The following RELN variants were observed in gnomAD, a reference collection of about 807,000 sequenced individuals.
The protein encoded by RELN is reelin.
A neutral mutation model predicts 427.6 loss-of-function variants in RELN; 108 were observed. The ratio of observed to expected loss-of-function variants is 0.25; its 90% CI spans 0.22 to 0.30. The LOEUF (loss-of-function observed/expected upper bound fraction) is 0.30, where lower values mean the gene tolerates loss of function less well. Ranked by LOEUF, RELN falls within the 10% of genes least tolerant of loss-of-function variation. The pLI is 1.00. For missense variants in RELN, 3,715 were observed against 4,302.8 expected, an observed-to-expected ratio of 0.86 and a Z score of 3.82; for synonymous variants, 1,524 against 1,513.4, an observed-to-expected ratio of 1.01 and a Z score of -0.16.
intron 3 of RELN, among the ~76,000 whole-genome samples, chr7:103,803,606 C>T (rs1368696166): frequency 6.6e-6 from 1 of 151,970 alleles, no homozygotes; most frequent in African/African-American, 2.4e-5. Context: ...GGGATAAATA[C>T]CCAGTAAACC....
At chr7:103,642,363 T>TC (rs199862767) in intron 16 of RELN, among the ~76,000 whole-genome samples, 2,742 of 150,192 alleles carry the variant, frequency 0.018, 86 homozygotes, top group African/African-American at 0.063. Context: ...TTTTTTTTTT[T>TC]TTTTGGCAAG....
chr7:103,773,766 G>A (rs556932563), intron 4 of RELN, among the ~76,000 whole-genome samples: 2 of 151,822 alleles, frequency 1.3e-5, no homozygotes, highest in East Asian at 2.0e-4. Context: ...CACTGCGCGC[G>A]GCCTCCTCTC....
chr7:103,901,260 G>C (rs1795079389), intron 2 of RELN, among the ~76,000 whole-genome samples: 1 of 152,002 alleles, frequency 6.6e-6, no homozygotes, highest in Non-Finnish European at 1.5e-5. Flanking sequence ...AAAAGCAAAT[G>C]TTGGGAAGGA....
rs1009061452 is a variant in RELN, at chr7:103,610,751, A to G, written c.2952T>C (p.His984=). The change falls in exon 22 of 65, where the codon CAT becomes CAC. Residue 984 remains histidine, a synonymous_variant. Transcript: ENST00000428762. ...TCCTCCACTGTGTAAACTCACTGGCATGGTAAATACTTGCTGATGTAAATT... is the reference window on the plus strand; with the variant it reads ...TCCTCCACTGTGTAAACTCACTGGCGTGGTAAATACTTGCTGATGTAAATT... ...CQEFTSASIY[H]ASEFTQWRRV... is the part of the protein sequence containing the mutation. 6.2e-7 allele frequency: 1 copy of G among 1,612,626 alleles called. No individual in the cohort carries two copies. Among genetic ancestry groups the G allele is most frequent in the South Asian group, 1.1e-5 (1 of 91,056 alleles).
Position 103,566,673 on chromosome 7 carries a change from T to A in RELN, c.4675A>T (p.Ile1559Phe), listed in dbSNP as rs1329104053. 6.2e-7 allele frequency: 1 copy of A among 1,614,086 alleles called. No homozygotes were observed. The highest frequency in any genetic ancestry group is 1.1e-5 in the South Asian group (1 of 91,084). ...TCCTGTGGCAGGTCAATGGAAATGA[T>A]CTGTGGTTCCAGGAAGGACATGAAG... ...LDFMSFLEPQIISIDLPQDAK... is the reference protein window; with the variant it reads ...LDFMSFLEPQFISIDLPQDAK... Residue 1559 changes from isoleucine to phenylalanine, a missense_variant, in exon 32 of 65, where the codon ATC (isoleucine) becomes TTC (phenylalanine). Physicochemically the swap from Ile to Phe is conservative, Grantham distance 21 (BLOSUM62 0). Around this residue, in one of 4 missense-constraint regions of RELN, gnomAD observed 2,208 missense variants for 2,361.7 expected, o/e 0.93. Coordinates refer to ENST00000428762, the MANE Select transcript of RELN (RefSeq NM_005045.4).
At chr7:103,497,128 A>G (rs1200460650) in intron 55 of RELN, among the ~76,000 whole-genome samples, 1 of 152,304 alleles carries the variant, frequency 6.6e-6, no homozygotes, top group African/African-American at 2.4e-5. Context: ...TAGTTATTGT[A>G]ATTTTATGCA....
chr7:103,851,677 C>T (rs1793825418), intron 2 of RELN, among the ~76,000 whole-genome samples: 1 of 152,164 alleles, frequency 6.6e-6, no homozygotes, highest in Admixed American at 6.6e-5. Context: ...TGCCACTCTT[C>T]AGTCAACTTC....
At chr7:103,613,051 C>T (rs1417647461) in intron 20 of RELN, among the ~76,000 whole-genome samples, 2 of 152,164 alleles carry the variant, frequency 1.3e-5, no homozygotes, top group Non-Finnish European at 2.9e-5. Context: ...AAGATGTCTA[C>T]CATTTGTGGA....
intron 12 of RELN, among the ~76,000 whole-genome samples, chr7:103,660,449 T>G (rs1833115178): frequency 6.6e-6 from 1 of 152,198 alleles, no homozygotes; most frequent in African/African-American, 2.4e-5. Context: ...GGAAAATGAG[T>G]TAGCATCACA....
At chr7:103,630,836 C>G (rs1232994129) in intron 19 of RELN, among the ~76,000 whole-genome samples, 1 of 139,396 alleles carries the variant, frequency 7.2e-6, no homozygotes, top group South Asian at 2.3e-4. Context: ...ACTGAAAGGG[C>G]TGAGTTATTT....
intron 3 of RELN, among the ~76,000 whole-genome samples, chr7:103,797,233 G>C (rs1253069729): frequency 1.3e-5 from 2 of 152,066 alleles, no homozygotes; most frequent in African/African-American, 2.4e-5. Context: ...CTCCCGAGTA[G>C]CTGGGATTAC....
chr7:103,907,788 A>T (rs1480008673), intron 2 of RELN, among the ~76,000 whole-genome samples: 1 of 84,592 alleles, frequency 1.2e-5, no homozygotes, highest in Non-Finnish European at 2.6e-5. Flanking sequence ...TTTAAAAAAA[A>T]ACTTATTTTT....
chr7:103,668,738 G>A (rs1187933755), intron 11 of RELN, among the ~76,000 whole-genome samples: 1 of 152,078 alleles, frequency 6.6e-6, no homozygotes, highest in Non-Finnish European at 1.5e-5. Flanking sequence ...AATTAACCAG[G>A]AGCCTCTCTT....
rs1437501516 is a variant in RELN, at chr7:103,948,501, C to T, written c.227-31316G>A. Among the ~76,000 whole-genome samples the T allele has an allele frequency of 5.3e-5, 8 of 152,014 alleles. No homozygotes were observed. In the East Asian group the frequency reaches 5.8e-4, roughly 11 times the overall value. On this transcript the variant is annotated intron_variant, in intron 1 of 64. Coordinates refer to ENST00000428762, the MANE Select transcript of RELN (RefSeq NM_005045.4). Reference sequence around the variant, plus strand: ...CATCCTGGCCAACATGGTGAAACCCCGTCTCTACTAAAAATACAAAAATTA... The same window carrying T: ...CATCCTGGCCAACATGGTGAAACCCTGTCTCTACTAAAAATACAAAAATTA...
intron 24 of RELN, among the ~76,000 whole-genome samples, chr7:103,601,299 T>C (rs1215219393): frequency 6.6e-6 from 1 of 152,172 alleles, no homozygotes; most frequent in Non-Finnish European, 1.5e-5. Flanking sequence ...TCTTTAACAA[T>C]AATCATCAGG....
chr7:103,935,019 G>C (rs574269599), intron 1 of RELN, among the ~76,000 whole-genome samples: 28 of 152,286 alleles, frequency 1.8e-4, no homozygotes, highest in African/African-American at 6.5e-4. Context: ...CACAAGAAAA[G>C]CCATCAGACT....
chr7:103,841,963 A>AT (rs1057481872), intron 2 of RELN, among the ~76,000 whole-genome samples: 4 of 152,268 alleles, frequency 2.6e-5, no homozygotes, highest in South Asian at 4.1e-4. Flanking sequence ...ACATCTGTGG[A>AT]TAGGGTATTA....
chr7:103,698,084 G>A lies in RELN; in HGVS notation c.912C>T (p.Ser304=). 1 of 1,613,706 alleles carries A rather than the reference G, an allele frequency of 6.2e-7. No individual in the cohort carries two copies. The highest frequency in any genetic ancestry group is 8.5e-7 in the Non-Finnish European group (1 of 1,179,754). ...WIQLEKIRAP[S]NVSTIIHILY... ...GGATATGGATGATTGTGCTGACATT[G>A]GAAGGGGCTCTGGAACATACAGAGA... Residue 304 remains serine (S), a synonymous_variant, in exon 10 of 65, where the codon TCC becomes TCT. Coordinates refer to ENST00000428762, the MANE Select transcript of RELN (RefSeq NM_005045.4).
At chr7:103,583,700 C>T (rs1374457823) in intron 28 of RELN, among the ~76,000 whole-genome samples, 1 of 152,186 alleles carries the variant, frequency 6.6e-6, no homozygotes, top group South Asian at 2.1e-4. Flanking sequence ...CAGGAAACAC[C>T]TGAGGCACAA....
Sources: gnomAD v4.1 joint callset for allele counts (sites outside exome capture counted in the v4.1 genomes callset) on GRCh38, gnomAD v4.1.1 for gene constraint, gnomAD v4.1.1 regional missense constraint, MANE v1.5 for transcripts, NCBI Gene and HGNC (gene_info 2026-07-23, HGNC 2026-07-21) for gene names.